The following NRG1 variants were observed in gnomAD, a reference collection of about 807,000 sequenced individuals.
NRG1 encodes the protein neuregulin 1.
Under a neutral mutation model 63.8 loss-of-function variants are expected in NRG1, and 18 were observed. That is an observed-to-expected ratio of 0.28 (90% confidence interval 0.19 to 0.42). The LOEUF is 0.42. Among genes scored for constraint, NRG1 ranks in the 10% least tolerant of loss-of-function variants. The probability of loss-of-function intolerance (pLI) is 1.00; values close to 1 mark genes in which losing one functional copy is unlikely to be tolerated. For missense variants in NRG1, 762 were observed against 814.7 expected, an observed-to-expected ratio of 0.94 and a Z score of 0.79; for synonymous variants, 302 against 301.3, an observed-to-expected ratio of 1.00 and a Z score of -0.02.
At chr8:32,308,139 G>T (rs1856430067) in intron 1 of NRG1, among the ~76,000 whole-genome samples, 1 of 152,072 alleles carries the variant, frequency 6.6e-6, no homozygotes. Flanking sequence ...TTTTCCAGTG[G>T]ACATTTCTAA....
intron 1 of NRG1, among the ~76,000 whole-genome samples, chr8:32,332,540 T>C (rs1300968333): frequency 6.6e-6 from 1 of 152,196 alleles, no homozygotes; most frequent in Non-Finnish European, 1.5e-5. Context: ...AATAAACACC[T>C]GTATAGTTTC....
At chr8:32,416,725 T>C (rs565123456) in intron 1 of NRG1, among the ~76,000 whole-genome samples, 1 of 152,308 alleles carries the variant, frequency 6.6e-6, no homozygotes, top group African/African-American at 2.4e-5. Context: ...TCTGGCTGTG[T>C]TGCCCAGGCT....
intron 1 of NRG1, among the ~76,000 whole-genome samples, chr8:32,124,486 A>T (rs1249061288): frequency 1.3e-5 from 2 of 151,924 alleles, no homozygotes; most frequent in Non-Finnish European, 2.9e-5. Flanking sequence ...CTAAATATTT[A>T]TGGAGCCCCG....
At chr8:32,179,117 G>C (rs1404579276) in intron 1 of NRG1, among the ~76,000 whole-genome samples, 1 of 148,404 alleles carries the variant, frequency 6.7e-6, no homozygotes. Context: ...GTTAGGCAGA[G>C]GAATGAGCTG....
chr8:32,100,396 C>A (rs774810673), intron 1 of NRG1, among the ~76,000 whole-genome samples: 9 of 152,116 alleles, frequency 5.9e-5, no homozygotes, highest in African/African-American at 2.2e-4. Flanking sequence ...TAGTTATAAA[C>A]CTTGTTACTG....
chr8:32,529,188 A>G (rs1479109116), intron 1 of NRG1, among the ~76,000 whole-genome samples: 2 of 152,230 alleles, frequency 1.3e-5, no homozygotes, highest in Non-Finnish European at 2.9e-5. Context: ...CAATTGTAAC[A>G]CAAAGGTATT....
rs1187870929 is a variant in NRG1, at chr8:31,937,657, C to T, written c.37+298226C>T. Among the ~76,000 whole-genome samples, 4 of 152,172 alleles carry T rather than the reference C, an allele frequency of 2.6e-5. No homozygotes were observed. In the East Asian group the frequency reaches 7.7e-4, roughly 29 times the overall value. ...ATCATCTGCTGCCTGGAAATAGACTCAGTGCTGTTGGTAGGGGATGGTGGG... is the reference window on the plus strand; with the variant it reads ...ATCATCTGCTGCCTGGAAATAGACTTAGTGCTGTTGGTAGGGGATGGTGGG... On this transcript the variant is annotated intron_variant, in intron 1 of 10. Transcript: ENST00000519301.
At chr8:31,671,182 C>T (rs1807103419) in intron 1 of NRG1, among the ~76,000 whole-genome samples, 1 of 152,026 alleles carries the variant, frequency 6.6e-6, no homozygotes, top group South Asian at 2.1e-4. Context: ...ACAAACAAAA[C>T]ATAACTTGAG....
intron 1 of NRG1, among the ~76,000 whole-genome samples, chr8:31,866,399 G>C (rs1246582614): frequency 1.3e-5 from 2 of 152,122 alleles, no homozygotes; most frequent in African/African-American, 4.8e-5. Flanking sequence ...AGAACCAAAA[G>C]CAGTTTTTAA....
chr8:32,123,169 A>G (rs1014008168), intron 1 of NRG1, among the ~76,000 whole-genome samples: 1 of 151,836 alleles, frequency 6.6e-6, no homozygotes, highest in Non-Finnish European at 1.5e-5. Context: ...CTACTTCACC[A>G]TGTGTCCTTG....
intron 1 of NRG1, among the ~76,000 whole-genome samples, chr8:31,777,741 T>C (rs533188295): frequency 2.6e-5 from 4 of 152,234 alleles, no homozygotes; most frequent in East Asian, 3.9e-4. Context: ...AGATATTACA[T>C]GGTGAAACAG....
intron 1 of NRG1, among the ~76,000 whole-genome samples, chr8:32,491,830 A>G (rs1329952478): frequency 1.3e-5 from 2 of 152,224 alleles, no homozygotes; most frequent in African/African-American, 2.4e-5. Flanking sequence ...GTGAGGCCAA[A>G]GGGATATACA....
In NRG1 at chr8:32,410,176, CTT is replaced by C. The variant is rs374377158; in HGVS notation, c.38-185631_38-185630del. Among the ~76,000 whole-genome samples, 20 of 99,328 alleles carry C rather than the reference CTT, an allele frequency of 2.0e-4. No individual in the cohort carries two copies. In the East Asian group the frequency reaches 2.5e-3, roughly 12 times the overall value. 65.2% of individuals were successfully genotyped at this position (99,328 alleles called of 152,430 possible). A position where few individuals can be genotyped will look rare whatever the true frequency, so the allele number is the denominator to read the frequency against. ...CCTAAGGAAAGGATCTTTTTCTTTCCTTTTTTTTTTTTTTTTTTTTTTGAGAC... is the reference window on the plus strand; with the variant it reads ...CCTAAGGAAAGGATCTTTTTCTTTCCTTTTTTTTTTTTTTTTTTTTGAGAC... On this transcript the variant is annotated intron_variant, in intron 1 of 10. Transcript: ENST00000519301.
intron 1 of NRG1, among the ~76,000 whole-genome samples, chr8:31,761,579 G>A (rs1466584674): frequency 1.3e-5 from 2 of 152,086 alleles, no homozygotes; most frequent in African/African-American, 4.8e-5. Flanking sequence ...TTGTCTCAGG[G>A]AATAGGGAGG....
At chr8:32,572,835 AT>A (rs1444087334) in intron 1 of NRG1, among the ~76,000 whole-genome samples, 4 of 152,112 alleles carry the variant, frequency 2.6e-5, no homozygotes, top group Admixed American at 1.3e-4. Context: ...CTGTCATCTC[AT>A]TTTTTCAAAG....
intron 5 of NRG1, among the ~76,000 whole-genome samples, chr8:32,669,852 C>T (rs905739086): frequency 1.3e-5 from 2 of 152,010 alleles, no homozygotes; most frequent in Admixed American, 6.6e-5. Flanking sequence ...TTTTGTTATT[C>T]TTGTATTTAT....
intron 2 of NRG1, among the ~76,000 whole-genome samples, chr8:32,596,295 A>G (rs1191660978): frequency 6.6e-6 from 1 of 152,184 alleles, no homozygotes; most frequent in Non-Finnish European, 1.5e-5. Context: ...ATGCTGTCAT[A>G]GTAATAGATC....
chr8:31,729,490 A>C (rs148503575), intron 1 of NRG1, among the ~76,000 whole-genome samples: 1 of 152,140 alleles, frequency 6.6e-6, no homozygotes, highest in Non-Finnish European at 1.5e-5. Flanking sequence ...CTAGAGCCAG[A>C]TTCTACTGTC....
At chr8:32,388,694 A>G (rs1811332937) in intron 1 of NRG1, among the ~76,000 whole-genome samples, 1 of 152,088 alleles carries the variant, frequency 6.6e-6, no homozygotes, top group African/African-American at 2.4e-5. Context: ...TATTTCTCAG[A>G]ATCCCATTTC....
Sources: gnomAD v4.1 joint callset for allele counts (sites outside exome capture counted in the v4.1 genomes callset) on GRCh38, gnomAD v4.1.1 for gene constraint, MANE v1.5 for transcripts, NCBI Gene and HGNC (gene_info 2026-07-23, HGNC 2026-07-21) for gene names.